The following NOS1 variants were observed in gnomAD, a reference collection of about 807,000 sequenced individuals.
The protein encoded by NOS1 is nitric oxide synthase 1, also known as NOS type I.
NOS1 carries 51 observed loss-of-function variants against 164.5 expected under a neutral mutation model. The ratio of observed to expected loss-of-function variants is 0.31; its 90% CI spans 0.25 to 0.39. NOS1 has a LOEUF of 0.39. Among genes scored for constraint, NOS1 ranks in the 10% least tolerant of loss-of-function variants. NOS1 has a pLI of 1.00. For synonymous variants in NOS1, 719 were observed against 745.8 expected, an observed-to-expected ratio of 0.96 and a Z score of 0.59; for missense variants, 1,362 against 1,885.6, an observed-to-expected ratio of 0.72 and a Z score of 5.14.
Position 117,232,381 on chromosome 12 carries a change from A to G in NOS1, c.3236-250T>C, listed in dbSNP as rs569145832. Among the ~76,000 whole-genome samples, 39 of 152,286 alleles carry G rather than the reference A, an allele frequency of 2.6e-4. 1 individual carries two copies. The highest frequency in any genetic ancestry group is 9.4e-4 in the African/African-American group (39 of 41,562). ...TACATGAAGAGAGGAGAAAAATACT[A>G]AAATAGCATGACAGTCCACTGGCAT... On this transcript the variant is annotated intron_variant, in intron 21 of 28. Transcript: ENST00000317775.
chr12:117,277,759 C>A (rs1456664402), intron 9 of NOS1, among the ~76,000 whole-genome samples, 200 bp downstream of exon 9: 1 of 152,120 alleles, frequency 6.6e-6, no homozygotes, highest in Non-Finnish European at 1.5e-5. Context: ...TGGTGGTCCC[C>A]AGGCTGGTCA....
rs1235271200 is a variant in NOS1 at position 117,213,395 on chromosome 12, T to C, written c.*1914A>G. ...TGGGATGCTAAGTGTTTGTTCTTTA[T>C]ATCTGTGGAAGAGTGAGCAGGGGAA... On this transcript the variant is annotated 3_prime_UTR_variant, in exon 29 of 29. Coordinates refer to ENST00000317775, the MANE Select transcript of NOS1 (RefSeq NM_000620.5). 1.0e-6 allele frequency: 1 copy of C among 985,340 alleles called. No homozygotes were observed. Among genetic ancestry groups the C allele is most frequent in the Non-Finnish European group, 1.2e-6 (1 of 829,996 alleles). 61.0% of individuals were successfully genotyped at this position (985,340 alleles called of 1,614,324 possible).
At chr12:117,276,858 C>T (rs1340494305) in intron 9 of NOS1, among the ~76,000 whole-genome samples, 1 of 152,064 alleles carries the variant, frequency 6.6e-6, no homozygotes, top group Non-Finnish European at 1.5e-5. Flanking sequence ...GTATCTGTGC[C>T]ACATTTTCTT....
At chr12:117,249,884 C>A (rs976578133) in intron 17 of NOS1, among the ~76,000 whole-genome samples, 2 of 152,140 alleles carry the variant, frequency 1.3e-5, no homozygotes, top group Non-Finnish European at 2.9e-5. Flanking sequence ...GTCTAGACCT[C>A]ACAGGGACAG....
chr12:117,278,468 A>G (rs1009937521), intron 8 of NOS1, among the ~76,000 whole-genome samples: 2 of 152,228 alleles, frequency 1.3e-5, no homozygotes, highest in Non-Finnish European at 2.9e-5. Flanking sequence ...CCAGAGGGCA[A>G]GGGCTGAACC....
intron 2 of NOS1, among the ~76,000 whole-genome samples, chr12:117,325,543 G>C (rs775250541): frequency 3.3e-5 from 5 of 152,108 alleles, no homozygotes; most frequent in Non-Finnish European, 7.3e-5. Flanking sequence ...CATGCCACAT[G>C]ATCTCTGGGA....
intron 4 of NOS1, 74 bp downstream of exon 4, chr12:117,290,224 A>C: frequency 1.9e-6 from 3 of 1,567,942 alleles, no homozygotes; most frequent in Non-Finnish European, 2.6e-6. Flanking sequence ...CCCACAACAA[A>C]GACTTATCCG....
In NOS1 at chr12:117,226,722, C is replaced by T. The variant is rs770808057; in HGVS notation, c.3665G>A (p.Arg1222Gln). The stretch of plus-strand genomic sequence containing the variant: ...GGGGACCAGTTCGTCAGCCTGTATC[C>T]GGTTGAGCCAGGAGGAGCATACGCC... ...HHGVCSSWLN[R>Q]IQADELVPCF... Residue 1222 changes from arginine (R) to glutamine (Q), a missense_variant, in exon 24 of 29, where the codon CGG (arginine) becomes CAG (glutamine). Arg to Gln is a conservative substitution (Grantham distance 43). Around this residue, in one of 4 missense-constraint regions of NOS1, gnomAD observed 737 missense variants for 1,030.3 expected, o/e 0.72. Transcript: ENST00000317775. The T allele has an allele frequency of 1.9e-5, 31 of 1,613,848 alleles. No homozygotes were observed. Among genetic ancestry groups the T allele is most frequent in the East Asian group, 1.3e-4 (6 of 44,892 alleles).
At chr12:117,345,093 A>T (rs1198985434) in intron 1 of NOS1, among the ~76,000 whole-genome samples, 1 of 144,478 alleles carries the variant, frequency 6.9e-6, no homozygotes, top group Non-Finnish European at 1.5e-5. Context: ...GTGCAGTGGC[A>T]CAATCTCGGC....
At chr12:117,260,374 A>G (rs2135979373) in intron 14 of NOS1, 91 bp downstream of exon 14, 1 of 1,474,402 alleles carries the variant, frequency 6.8e-7, no homozygotes, top group African/African-American at 1.4e-5. Flanking sequence ...ATCCTTTGCC[A>G]AAGGCTTCTT....
At chr12:117,280,992 TCC>T in intron 7 of NOS1, 126 bp from the exon 8 acceptor site, 1 of 1,039,016 alleles carries the variant, frequency 9.6e-7, no homozygotes, top group Non-Finnish European at 1.4e-6. Flanking sequence ...CGTGCCAAGG[TCC>T]CCAGGGCCAA....
chr12:117,353,741 T>G lies in NOS1; in HGVS notation c.-421+7771A>C, dbSNP rs567669277. Among the ~76,000 whole-genome samples, 7 of 152,228 alleles carry G rather than the reference T, an allele frequency of 4.6e-5. No individual in the cohort carries two copies. The East Asian group carries it at 1.2e-3, about 25-fold the overall frequency. On this transcript the variant is annotated intron_variant, in intron 1 of 28. Coordinates refer to ENST00000317775, the MANE Select transcript of NOS1 (RefSeq NM_000620.5). ...CAATGCTTGACTTAGATGTCAGTTT[T>G]GAACCAGATAGGGAATCCTGATCAC...
chr12:117,261,178 CAAA>C (rs534260940), intron 13 of NOS1, among the ~76,000 whole-genome samples: 10 of 77,262 alleles, frequency 1.3e-4, no homozygotes, highest in East Asian at 3.1e-4. Context: ...GACTCTGCCT[CAAA>C]AAAAAAAAAA....
rs572428451 is a variant in NOS1 at position 117,252,783 on chromosome 12, A to C, written c.2648+855T>G. On this transcript the variant is annotated intron_variant, in intron 17 of 28. Coordinates refer to ENST00000317775, the MANE Select transcript of NOS1 (RefSeq NM_000620.5). ...ATAACAGATATTTCAATAGCTAGCAAACCAGTGATCTATATCATCTACTAC... is the reference window on the plus strand; with the variant it reads ...ATAACAGATATTTCAATAGCTAGCACACCAGTGATCTATATCATCTACTAC... 2.6e-5 allele frequency among the ~76,000 whole-genome samples: 4 copies of C among 152,342 alleles called. No individual in the cohort carries two copies. In the East Asian group the frequency reaches 7.7e-4, roughly 29 times the overall value.
intron 1 of NOS1, among the ~76,000 whole-genome samples, chr12:117,353,440 C>T (rs751537317): frequency 3.9e-5 from 6 of 152,186 alleles, no homozygotes; most frequent in Admixed American, 6.5e-5. Context: ...TTATCTTCAG[C>T]GTAGAGACAG....
In NOS1 at chr12:117,265,431, C is replaced by T. The variant is rs980577637; in HGVS notation, c.2021G>A (p.Arg674Gln). 1.9e-5 allele frequency: 31 copies of T among 1,590,274 alleles called. No individual in the cohort carries two copies. The highest frequency in any genetic ancestry group is 9.4e-5 in the African/African-American group (7 of 74,582). The change falls in exon 12 of 29, where the codon CGG becomes CAG. Residue 674 changes from arginine (R) to glutamine (Q), a missense_variant. Physicochemically the swap from Arg to Gln is conservative, Grantham distance 43 (BLOSUM62 1). Around this residue, in one of 4 missense-constraint regions of NOS1, gnomAD observed 737 missense variants for 1,030.3 expected, o/e 0.72. Transcript: ENST00000317775. ...IKHMENEYRC[R>Q]GGCPADWVWI... is the part of the protein sequence containing the mutation. ...CACCCAGTCGGCAGGGCAGCCCCCC[C>T]GGCAGCGGTACTCATTCTCCATGTG...
chr12:117,252,734 C>T (rs1871190310), intron 17 of NOS1, among the ~76,000 whole-genome samples: 1 of 152,176 alleles, frequency 6.6e-6, no homozygotes, highest in Non-Finnish European at 1.5e-5. Context: ...AACGTAAAGC[C>T]TATTTTAAAA....
chr12:117,247,454 G>T lies in NOS1; in HGVS notation c.2717C>A (p.Thr906Asn), dbSNP rs1870707918. ...CTCCCCTCCCAGTTCTTCCAGGAGG[G>T]TGTCCACAGCGTGTCCGAAGGCGCA... is the stretch of plus-strand genomic sequence containing the variant. ...HFCAFGHAVD[T>N]LLEELGGERI... Residue 906 changes from threonine (T) to asparagine (N), a missense_variant, in exon 18 of 29, where the codon ACC becomes AAC. Coordinates refer to ENST00000317775, the MANE Select transcript of NOS1 (RefSeq NM_000620.5). 2.5e-6 allele frequency: 4 copies of T among 1,613,186 alleles called. No homozygotes were observed. Among genetic ancestry groups the T allele is most frequent in the South Asian group, 1.1e-5 (1 of 90,864 alleles).
At position 117,360,805 on chromosome 12, in the gene NOS1, A is replaced by C. The variant is rs1041625997; in HGVS notation, c.-421+707T>G. On this transcript the variant is annotated intron_variant, in intron 1 of 28. Transcript: ENST00000317775. ...TGGGCAGGTACAACGGTCCCCAGGG[A>C]CTGGCATCCCCCAGCCCGGGCTGCC... Among the ~76,000 whole-genome samples the C allele has an allele frequency of 2.0e-5, 3 of 152,300 alleles. No individual in the cohort carries two copies. The East Asian group carries it at 5.8e-4, about 29-fold the overall frequency.
Sources: allele counts gnomAD v4.1 joint callset (sites outside exome capture counted in the v4.1 genomes callset), GRCh38; gene constraint gnomAD v4.1.1; regional missense constraint gnomAD v4.1.1; transcripts MANE v1.5; gene names NCBI Gene and HGNC (gene_info 2026-07-23, HGNC 2026-07-21).